RPS6KL1: variants seen among roughly 807,000 people sequenced by gnomAD.
The protein encoded by RPS6KL1 is ribosomal protein S6 kinase-like 1.
In RPS6KL1, 41 loss-of-function variants were observed where a neutral mutation model predicts 57.0. That is an observed-to-expected ratio of 0.72 (90% CI 0.56 to 0.93). The LOEUF (loss-of-function observed/expected upper bound fraction) is 0.93, where lower values mean the gene tolerates loss of function less well. RPS6KL1 is among the 40% of genes least tolerant of loss of function. The pLI is 0.00. For missense variants in RPS6KL1, 697 were observed against 727.7 expected (o/e 0.96, Z 0.49); for synonymous variants, 287 against 309.7 (o/e 0.93, Z 0.77).
intron 3 of RPS6KL1, among the ~76,000 whole-genome samples, chr14:74,920,811 C>T (rs558232609): frequency 6.6e-6 from 1 of 152,154 alleles, no homozygotes; most frequent in Non-Finnish European, 1.5e-5. Context: ...CACTAGAATG[C>T]AAACTCCCAG....
In RPS6KL1 at chr14:74,906,747, A is replaced by G. The variant is rs773637719; in HGVS notation, c.*267T>C. 1 of 631,946 alleles carries G rather than the reference A, an allele frequency of 1.6e-6. No homozygotes were observed. Among genetic ancestry groups the G allele is most frequent in the African/African-American group, 1.8e-5 (1 of 55,584 alleles). 39.1% of individuals were successfully genotyped at this position (631,946 alleles called of 1,614,324 possible). A position where few individuals can be genotyped will look rare whatever the true frequency, so the allele number is the denominator to read the frequency against. On this transcript the variant is annotated 3_prime_UTR_variant, in exon 12 of 12. Transcript: ENST00000557413. ...TTAACATGGTGAGTCCACATGCTCA[A>G]CGGGTCTGTTGACTGATGGGTAGAT...
In RPS6KL1 at chr14:74,906,379, A is replaced by AAGAT. The variant is rs1410054576; in HGVS notation, c.*631_*634dup. ...TTTGCTCTCCCAAGTCTGAAATCAC[A>AAGAT]AGATAGGGGGCATGGTCAGGAATCG... On this transcript the variant is annotated 3_prime_UTR_variant, in exon 12 of 12. Coordinates refer to ENST00000557413, the MANE Select transcript of RPS6KL1 (RefSeq NM_031464.5). The AAGAT allele has an allele frequency of 3.4e-6, 1 of 298,380 alleles. No individual in the cohort carries two copies. Among genetic ancestry groups the AAGAT allele is most frequent in the African/African-American group, 3.4e-5 (1 of 29,262 alleles). 18.5% of individuals were successfully genotyped at this position (298,380 alleles called of 1,614,324 possible).
intron 5 of RPS6KL1, among the ~76,000 whole-genome samples, chr14:74,915,143 A>T (rs1444164017): frequency 6.6e-6 from 1 of 152,244 alleles, no homozygotes; most frequent in Non-Finnish European, 1.5e-5. Flanking sequence ...GCCAGTAGCC[A>T]CATGGGGCCA....
rs778244142 is a variant in RPS6KL1, at chr14:74,904,491, G to A, written c.*2523C>T. On this transcript the variant is annotated 3_prime_UTR_variant, in exon 12 of 12. Coordinates refer to ENST00000557413, the MANE Select transcript of RPS6KL1 (RefSeq NM_031464.5). ...ACTTTGGAATACCCTTGACTGAGACGAGGGGTCCATACAGATGGTTGGGGG... is the reference window on the plus strand; with the variant it reads ...ACTTTGGAATACCCTTGACTGAGACAAGGGGTCCATACAGATGGTTGGGGG... 14 of 152,204 alleles carry A rather than the reference G, an allele frequency of 9.2e-5. No homozygotes were observed. Among genetic ancestry groups the A allele is most frequent in the Non-Finnish European group, 1.6e-4 (11 of 68,048 alleles). The allele number at this position is 152,204 out of a possible 1,614,324, so 9.4% of individuals were successfully genotyped here.
intron 11 of RPS6KL1, 86 bp from the exon 12 acceptor site, chr14:74,907,210 A>AG: frequency 7.3e-7 from 1 of 1,368,784 alleles, no homozygotes; most frequent in Non-Finnish European, 1.0e-6. Flanking sequence ...TATGGCCTCT[A>AG]GGGGGCCTGC....
At chr14:74,918,827 G>A (rs1268657205) in intron 4 of RPS6KL1, among the ~76,000 whole-genome samples, 3 of 152,218 alleles carry the variant, frequency 2.0e-5, no homozygotes, top group Admixed American at 1.3e-4. Flanking sequence ...CGACCTCTCT[G>A]CTGAGCCCGT....
chr14:74,917,983 G>A (rs749513929), intron 5 of RPS6KL1, among the ~76,000 whole-genome samples: 46 of 152,290 alleles, frequency 3.0e-4, no homozygotes, highest in Middle Eastern at 3.4e-3. Flanking sequence ...GGGTGCCCTG[G>A]GCATAGCTCC....
At chr14:74,912,933 T>G (rs976104005) in intron 5 of RPS6KL1, among the ~76,000 whole-genome samples, 10 of 152,150 alleles carry the variant, frequency 6.6e-5, no homozygotes, top group Admixed American at 6.5e-4. Context: ...AGCGGGCACA[T>G]GGGTACGTCG....
At chr14:74,916,229 G>A (rs538382667) in intron 5 of RPS6KL1, among the ~76,000 whole-genome samples, 63 of 152,300 alleles carry the variant, frequency 4.1e-4, no homozygotes, top group Non-Finnish European at 8.1e-4. Flanking sequence ...CTGGCTGCAG[G>A]GACCCAGGCC....
chr14:74,911,577 GTGTGCATGTGTGTTTGTGTGTA>G (rs1455666342), intron 6 of RPS6KL1, 195 bp downstream of exon 6: 2 of 662,282 alleles, frequency 3.0e-6, no homozygotes, highest in Non-Finnish European at 5.1e-6. Flanking sequence ...GGGGCAGTGT[GTGTGCATGTGTGTTTGTGTGTA>G]TGTGTATGTG....
intron 9 of RPS6KL1, 46 bp from the exon 10 acceptor site, chr14:74,908,978 C>T (rs1386917703): frequency 7.6e-6 from 12 of 1,576,352 alleles, no homozygotes; most frequent in Non-Finnish European, 9.6e-6. Context: ...CTAAGAGGGC[C>T]TCTTCCATTC....
chr14:74,914,657 C>T (rs1335857114), intron 5 of RPS6KL1, among the ~76,000 whole-genome samples: 1 of 152,210 alleles, frequency 6.6e-6, no homozygotes, highest in Non-Finnish European at 1.5e-5. Flanking sequence ...ACAAGAAACT[C>T]CTTTTACTCA....
chr14:74,916,166 G>C (rs932164819), intron 5 of RPS6KL1, among the ~76,000 whole-genome samples: 1 of 152,232 alleles, frequency 6.6e-6, no homozygotes, highest in Non-Finnish European at 1.5e-5. Flanking sequence ...CACTTGCCCA[G>C]ATCTGTCTGG....
At chr14:74,911,572 A>T (rs1386278473) in intron 6 of RPS6KL1, 192 bp from the exon 7 acceptor site, 1 of 691,024 alleles carries the variant, frequency 1.4e-6, no homozygotes, top group Non-Finnish European at 2.4e-6. Flanking sequence ...AAGAGGGGGC[A>T]GTGTGTGTGC....
chr14:74,914,372 G>C (rs1317887630), intron 5 of RPS6KL1, among the ~76,000 whole-genome samples: 6 of 152,218 alleles, frequency 3.9e-5, no homozygotes, highest in African/African-American at 1.4e-4. Context: ...CCTGGTCCTG[G>C]GCAAGGGCCT....
Position 74,919,739 on chromosome 14 carries a change from C to T in RPS6KL1, c.390+106G>A, listed in dbSNP as rs1349946322. Reference sequence around the variant, plus strand: ...CCCAAATAATGACTTCCACTGCCGGCCTCTGCCCTGCAGCCCAGGGCGGGC... The same window carrying T: ...CCCAAATAATGACTTCCACTGCCGGTCTCTGCCCTGCAGCCCAGGGCGGGC... On this transcript the variant is annotated intron_variant, in intron 4 of 11. Coordinates refer to ENST00000557413, the MANE Select transcript of RPS6KL1 (RefSeq NM_031464.5). 11 of 1,274,578 alleles carry T rather than the reference C, an allele frequency of 8.6e-6. No individual in the cohort carries two copies. In the East Asian group the frequency reaches 1.9e-4, roughly 22 times the overall value. 79.0% of individuals were successfully genotyped at this position (1,274,578 alleles called of 1,614,324 possible).
At chr14:74,907,998 G>C (rs1285938188) in intron 10 of RPS6KL1, among the ~76,000 whole-genome samples, 1 of 152,220 alleles carries the variant, frequency 6.6e-6, no homozygotes, top group Non-Finnish European at 1.5e-5. Flanking sequence ...GGAGCAGAGG[G>C]TCTGTCTGGA....
chr14:74,910,027 T>A lies in RPS6KL1; in HGVS notation c.786A>T (p.Pro262=). The A allele has an allele frequency of 6.2e-7, 1 of 1,613,694 alleles. No homozygotes were observed. Among genetic ancestry groups the A allele is most frequent in the Non-Finnish European group, 8.5e-7 (1 of 1,179,898 alleles). The change falls in exon 8 of 12, where the codon CCA becomes CCT. Residue 262 remains proline (P), a synonymous_variant. Coordinates refer to ENST00000557413, the MANE Select transcript of RPS6KL1 (RefSeq NM_031464.5). ...QLNPHLNLLT[P]ARLPSGHAPG... ...GGGCATGGCCTGAGGGAAGCCTCGC[T>A]GGGGTCAGGAGGTTGAGGTGGGGGT...
chr14:74,907,270 G>A (rs1885056807), intron 11 of RPS6KL1, 146 bp from the exon 12 acceptor site: 2 of 1,379,612 alleles, frequency 1.4e-6, no homozygotes, highest in East Asian at 2.5e-5. Context: ...GGGAACATTG[G>A]TGGTGGTTGG....
Sources: gnomAD v4.1 joint callset for allele counts (sites outside exome capture counted in the v4.1 genomes callset) on GRCh38, gnomAD v4.1.1 for gene constraint, MANE v1.5 for transcripts, NCBI Gene and HGNC (gene_info 2026-07-23, HGNC 2026-07-21) for gene names.